The following IFT74 variants were observed in gnomAD, a reference collection of about 807,000 sequenced individuals.
IFT74 encodes intraflagellar transport 74.
In IFT74, 92 loss-of-function variants were observed where a neutral mutation model predicts 96.7. That is an observed-to-expected ratio of 0.95 (90% CI 0.80 to 1.13). IFT74 has a LOEUF of 1.13. Among genes scored for constraint, IFT74 ranks in the 50% most tolerant of loss-of-function variants. The pLI is 0.00. For synonymous variants in IFT74, 223 were observed against 213.2 expected, an observed-to-expected ratio of 1.05 and a Z score of -0.40; for missense variants, 811 against 698.2, an observed-to-expected ratio of 1.16 and a Z score of -1.82.
chr9:26,980,361 C>T (rs1393162907), intron 3 of IFT74, among the ~76,000 whole-genome samples: 1 of 152,152 alleles, frequency 6.6e-6, no homozygotes, highest in East Asian at 1.9e-4. Context: ...CACCTCTAGT[C>T]CCATCTTCGT....
At chr9:27,036,416 C>G in intron 13 of IFT74, 2 of 1,608,406 alleles carry the variant, frequency 1.2e-6, no homozygotes, top group Non-Finnish European at 1.7e-6. Flanking sequence ...GTAATATAGT[C>G]AATTCTTTGT....
At chr9:27,040,565 A>G (rs1056588199) in intron 13 of IFT74, among the ~76,000 whole-genome samples, 27 of 150,926 alleles carry the variant, frequency 1.8e-4, no homozygotes, top group Non-Finnish European at 3.7e-4. Flanking sequence ...AAAAAAAAAA[A>G]AAGAAGGAAA....
At chr9:26,971,171 A>G (rs1826860346) in intron 2 of IFT74, among the ~76,000 whole-genome samples, 1 of 152,220 alleles carries the variant, frequency 6.6e-6, no homozygotes, top group Admixed American at 6.5e-5. Flanking sequence ...AAAGTGATTC[A>G]CTATTATCAA....
chr9:27,044,922 C>A (rs1346154481), intron 14 of IFT74, 127 bp downstream of exon 14: 8 of 559,048 alleles, frequency 1.4e-5, no homozygotes, highest in Non-Finnish European at 2.5e-5. Context: ...ACATTCAAAG[C>A]ATTTTGCCTT....
At chr9:27,003,588 C>T (rs1298332356) in intron 8 of IFT74, among the ~76,000 whole-genome samples, 1 of 152,092 alleles carries the variant, frequency 6.6e-6, no homozygotes, top group Non-Finnish European at 1.5e-5. Flanking sequence ...AGTCTCTCGC[C>T]TCGTTAGCAA....
At chr9:26,972,093 T>C (rs1338371054) in intron 2 of IFT74, among the ~76,000 whole-genome samples, 1 of 152,232 alleles carries the variant, frequency 6.6e-6, no homozygotes, top group African/African-American at 2.4e-5. Context: ...GACCTTTGTA[T>C]GGTAATCAAT....
At chr9:26,999,781 T>C in intron 8 of IFT74, 1 of 933,276 alleles carries the variant, frequency 1.1e-6, no homozygotes, top group Non-Finnish European at 1.5e-6. Context: ...TTTTTTTTTT[T>C]TTTTTTTTTT....
chr9:26,995,647 C>T (rs1429377654), intron 8 of IFT74: 1 of 1,613,670 alleles, frequency 6.2e-7, no homozygotes, highest in Non-Finnish European at 8.5e-7. Context: ...TTTCTGGTAT[C>T]TGTGAAAGAG....
At chr9:26,976,084 G>A (rs575057614) in intron 2 of IFT74, among the ~76,000 whole-genome samples, 3 of 152,230 alleles carry the variant, frequency 2.0e-5, no homozygotes, top group African/African-American at 4.8e-5. Flanking sequence ...TTACTTGGTC[G>A]CCGCGGTGTT....
intron 13 of IFT74, among the ~76,000 whole-genome samples, chr9:27,029,408 T>C (rs1269718834): frequency 6.6e-6 from 1 of 152,168 alleles, no homozygotes; most frequent in East Asian, 1.9e-4. Flanking sequence ...TTATACTTCC[T>C]CCTAAGTTAC....
At chr9:26,948,448 ATTTTTTTTTTTTTTTTTTT>A (rs71841244) in intron 1 of IFT74, among the ~76,000 whole-genome samples, 19 of 59,164 alleles carry the variant, frequency 3.2e-4, no homozygotes, top group Admixed American at 7.8e-4. Flanking sequence ...GCTTTCCATT[ATTTTTTTTTTTTTTTTTTT>A]TTTTTTTTTT....
At chr9:26,979,703 CTTTTTTTTT>C (rs951706952) in intron 3 of IFT74, among the ~76,000 whole-genome samples, 5 of 75,454 alleles carry the variant, frequency 6.6e-5, no homozygotes, top group Non-Finnish European at 1.3e-4. Flanking sequence ...GGAACACTTT[CTTTTTTTTT>C]TTTTTTTTTT....
intron 2 of IFT74, among the ~76,000 whole-genome samples, chr9:26,963,828 TGTTGGA>T (rs1300432314): frequency 6.6e-6 from 1 of 152,224 alleles, no homozygotes; most frequent in Non-Finnish European, 1.5e-5. Context: ...CTTGTAAATT[TGTTGGA>T]GTTCATTGTA....
At chr9:27,053,920 G>C (rs1320118774) in intron 16 of IFT74, among the ~76,000 whole-genome samples, 1 of 152,132 alleles carries the variant, frequency 6.6e-6, no homozygotes, top group Admixed American at 6.5e-5. Context: ...CCGTGGTAGA[G>C]ATAAGAATCC....
chr9:27,029,250 C>T lies in IFT74; in HGVS notation c.1054+146C>T, dbSNP rs543628680. 68 of 505,484 alleles carry T rather than the reference C, an allele frequency of 1.3e-4. 1 individual carries two copies. The highest frequency in any genetic ancestry group is 1.3e-3 in the South Asian group (26 of 19,470). 31.3% of individuals were successfully genotyped at this position (505,484 alleles called of 1,614,324 possible). A position where few individuals can be genotyped will look rare whatever the true frequency, so the allele number is the denominator to read the frequency against. On this transcript the variant is annotated intron_variant, in intron 13 of 19. Coordinates refer to ENST00000380062, the MANE Select transcript of IFT74 (RefSeq NM_025103.4). ...ATTACTAACTTTACTAAAATATATA[C>T]TGTATGAGTAATATTAAAGCAATGA...
rs11424319 is a variant in IFT74 at position 26,982,181 on chromosome 9, T to TA, written c.305+1562_305+1563insA. Reference sequence around the variant, plus strand: ...AAGGGAAAATATGTATACTTATTTATGTTATATTAATCAGTAAGTTTTACA... The same window carrying TA: ...AAGGGAAAATATGTATACTTATTTATAGTTATATTAATCAGTAAGTTTTACA... On this transcript the variant is annotated intron_variant, in intron 4 of 19. Coordinates refer to ENST00000380062, the MANE Select transcript of IFT74 (RefSeq NM_025103.4). 6.4e-3 allele frequency: 1,485 copies of TA among 230,930 alleles called. 17 individuals are homozygous for TA. Among genetic ancestry groups the TA allele is most frequent in the African/African-American group, 0.032 (1,377 of 42,496 alleles). 14.3% of individuals were successfully genotyped at this position (230,930 alleles called of 1,614,324 possible).
chr9:27,062,261 AT>A (rs1820459965), intron 19 of IFT74, among the ~76,000 whole-genome samples: 1 of 152,128 alleles, frequency 6.6e-6, no homozygotes, highest in African/African-American at 2.4e-5. Context: ...TTTGCCTTAA[AT>A]TATTTGTGGT....
chr9:27,036,806 G>T (rs10967677), intron 13 of IFT74: 6 of 1,082,768 alleles, frequency 5.5e-6, no homozygotes, highest in Non-Finnish European at 6.7e-6. Flanking sequence ...GAAAAGTGGC[G>T]TGTGATTTAC....
At chr9:27,036,387 T>A (rs978424840) in intron 13 of IFT74, 2 of 1,584,792 alleles carry the variant, frequency 1.3e-6, no homozygotes, top group Admixed American at 3.7e-5. Context: ...ATATGTACTC[T>A]TTTTACCACA....
Sources: allele counts gnomAD v4.1 joint callset (sites outside exome capture counted in the v4.1 genomes callset), GRCh38; gene constraint gnomAD v4.1.1; transcripts MANE v1.5; gene names NCBI Gene and HGNC (gene_info 2026-07-23, HGNC 2026-07-21).